The following MAMDC2 variants were observed in gnomAD, a reference collection of about 807,000 sequenced individuals.
MAMDC2 encodes the protein MAM domain containing 2, also known as MAM domain-containing protein 2.
MAMDC2 carries 57 observed loss-of-function variants against 89.8 expected under a neutral mutation model. The observed-to-expected ratio is 0.63, with a 90% CI of 0.51 to 0.79. The LOEUF (loss-of-function observed/expected upper bound fraction) is 0.79, where lower values mean the gene tolerates loss of function less well. Among genes scored for constraint, MAMDC2 ranks in the 30% least tolerant of loss-of-function variants. The probability of loss-of-function intolerance (pLI) is 0.00; values close to 1 mark genes in which losing one functional copy is unlikely to be tolerated. For synonymous variants in MAMDC2, 313 were observed against 293.4 expected (o/e 1.07, Z -0.68); for missense variants, 800 against 820.6 (o/e 0.97, Z 0.31).
intron 11 of MAMDC2, among the ~76,000 whole-genome samples, chr9:70,204,204 T>C (rs2033167610): frequency 6.7e-6 from 1 of 148,746 alleles, no homozygotes. Flanking sequence ...CTTTTGGTCT[T>C]TGATGATGGT....
At chr9:70,106,040 C>T (rs1465504860) in intron 2 of MAMDC2, 1 of 152,268 alleles carries the variant, frequency 6.6e-6, no homozygotes, top group African/African-American at 2.4e-5. Flanking sequence ...GCAACAGTAT[C>T]ACCTGGAACA....
At chr9:70,198,506 A>G (rs1439553145) in intron 11 of MAMDC2, among the ~76,000 whole-genome samples, 2 of 152,128 alleles carry the variant, frequency 1.3e-5, no homozygotes, top group African/African-American at 4.8e-5. Flanking sequence ...ATATAAGCCA[A>G]GAGTAACTAT....
intron 2 of MAMDC2, chr9:70,062,441 T>G (rs757636638): frequency 3.2e-4 from 48 of 152,324 alleles, no homozygotes; most frequent in Non-Finnish European, 5.9e-5. Context: ...TAAATCTATA[T>G]CTAAGTCACC....
At chr9:70,118,311 CA>C (rs1281528036) in intron 5 of MAMDC2, among the ~76,000 whole-genome samples, 2 of 21,434 alleles carry the variant, frequency 9.3e-5, no homozygotes, top group Non-Finnish European at 3.4e-4. Flanking sequence ...CACACACACA[CA>C]CACACACACA....
chr9:70,207,121 TTATAATCCTTTGGG>T (rs1237721851), intron 11 of MAMDC2, among the ~76,000 whole-genome samples: 1 of 152,202 alleles, frequency 6.6e-6, no homozygotes, highest in Non-Finnish European at 1.5e-5. Flanking sequence ...GCAGCATGCT[TTATAATCCTTTGGG>T]TATATACCCA....
rs1327310408 is a variant in MAMDC2 at position 70,221,374 on chromosome 9, T to TAGAG, written c.1911+2779_1911+2780insGAGA. ...AACAACAAATATATATATATATATA[T>TAGAG]ATATATAGAGAGAGAGAGAGAGAGA... is the stretch of plus-strand genomic sequence containing the variant. On this transcript the variant is annotated intron_variant, in intron 12 of 13. Transcript: ENST00000377182. Among the ~76,000 whole-genome samples, 7 of 6,484 alleles carry TAGAG rather than the reference T, an allele frequency of 1.1e-3. 1 individual carries two copies. Among genetic ancestry groups the TAGAG allele is most frequent in the Admixed American group, 3.0e-3 (1 of 332 alleles). The allele number at this position is 6,484 out of a possible 152,430, so 4.3% of individuals were successfully genotyped here.
chr9:70,145,919 C>T (rs1386053085), intron 9 of MAMDC2, among the ~76,000 whole-genome samples: 2 of 151,970 alleles, frequency 1.3e-5, no homozygotes, highest in Non-Finnish European at 2.9e-5. Flanking sequence ...ATGTAAAGCC[C>T]GCAGAAGGGC....
intron 9 of MAMDC2, among the ~76,000 whole-genome samples, chr9:70,157,982 G>A (rs989293854): frequency 6.6e-6 from 1 of 151,858 alleles, no homozygotes; most frequent in African/African-American, 2.4e-5. Context: ...TTTTAGACAG[G>A]GTCTTACTCT....
At chr9:70,127,590 G>A (rs1298016680) in intron 6 of MAMDC2, among the ~76,000 whole-genome samples, 1 of 151,898 alleles carries the variant, frequency 6.6e-6, no homozygotes, top group African/African-American at 2.4e-5. Context: ...TAGAGCTGCA[G>A]AGAACAGGGT....
chr9:70,190,185 G>A (rs1927146), intron 11 of MAMDC2, among the ~76,000 whole-genome samples: 137,533 of 152,166 alleles, frequency 0.9, 62,442 homozygotes, highest in East Asian at 0.98. Flanking sequence ...AAAACTGGAC[G>A]TTTTGAATAA....
At chr9:70,110,670 A>C (rs1376247511) in intron 4 of MAMDC2, among the ~76,000 whole-genome samples, 1 of 152,126 alleles carries the variant, frequency 6.6e-6, no homozygotes, top group African/African-American at 2.4e-5. Context: ...GGACCTGCTG[A>C]ATCATGTGGG....
At chr9:70,123,040 T>G (rs1310245131) in intron 5 of MAMDC2, among the ~76,000 whole-genome samples, 1 of 152,168 alleles carries the variant, frequency 6.6e-6, no homozygotes, top group Non-Finnish European at 1.5e-5. Context: ...TGATGGTTCC[T>G]TCAGCAAGTT....
intron 11 of MAMDC2, among the ~76,000 whole-genome samples, chr9:70,182,713 AT>A (rs996596032): frequency 6.6e-6 from 1 of 151,948 alleles, no homozygotes; most frequent in Non-Finnish European, 1.5e-5. Flanking sequence ...TCCCTTTATC[AT>A]TTTTTATTGC....
intron 11 of MAMDC2, among the ~76,000 whole-genome samples, chr9:70,188,999 A>G (rs187665571): frequency 2.2e-4 from 33 of 152,190 alleles, no homozygotes; most frequent in African/African-American, 6.7e-4. Context: ...CCATTATTCT[A>G]TCATGAATAT....
rs115713308 is a variant in MAMDC2, at chr9:70,150,755, C to G, written c.1404+6936C>G. Among the ~76,000 whole-genome samples the G allele has an allele frequency of 2.6e-5, 4 of 152,292 alleles. No homozygotes were observed. The East Asian group carries it at 7.7e-4, about 29-fold the overall frequency. On this transcript the variant is annotated intron_variant, in intron 9 of 13. Transcript: ENST00000377182. ...TACTTCTCTCTCTCCAGCCACCACC[C>G]TAGTCTAAGCCACCATCATTTCTTA... is the stretch of plus-strand genomic sequence containing the variant.
rs553077331 is a variant in MAMDC2 at position 70,057,329 on chromosome 9, G to T, written c.148+12632G>T. ...GTCATGATCAAGTTTGATCCAAGTG[G>T]CCCTCTTGCCTATCAAGTACGCTAT... On this transcript the variant is annotated intron_variant, in intron 2 of 13. Transcript: ENST00000377182. Among the ~76,000 whole-genome samples, 188 of 152,260 alleles carry T rather than the reference G, an allele frequency of 1.2e-3. 1 individual carries two copies. Among genetic ancestry groups the T allele is most frequent in the Non-Finnish European group, 9.4e-4 (64 of 68,018 alleles).
chr9:70,222,544 A>C (rs2033584634), intron 12 of MAMDC2, among the ~76,000 whole-genome samples: 1 of 152,166 alleles, frequency 6.6e-6, no homozygotes, highest in African/African-American at 2.4e-5. Flanking sequence ...CCCTGTGGGA[A>C]AAAGAAATGC....
intron 4 of MAMDC2, 146 bp from the exon 5 acceptor site, chr9:70,112,849 A>C: frequency 1.1e-6 from 1 of 941,042 alleles, no homozygotes; most frequent in Non-Finnish European, 1.6e-6. Flanking sequence ...TTCTTGGCCA[A>C]AATTGTGCAG....
chr9:70,056,095 C>T (rs961936921), intron 2 of MAMDC2, among the ~76,000 whole-genome samples: 7 of 152,202 alleles, frequency 4.6e-5, no homozygotes, highest in African/African-American at 1.7e-4. Flanking sequence ...TTATTTGGGG[C>T]TATGCTTATA....
Sources: allele counts gnomAD v4.1 joint callset (sites outside exome capture counted in the v4.1 genomes callset), GRCh38; gene constraint gnomAD v4.1.1; transcripts MANE v1.5; gene names NCBI Gene and HGNC (gene_info 2026-07-23, HGNC 2026-07-21).